CCDC83: variants seen among roughly 807,000 people sequenced by gnomAD.
The protein encoded by CCDC83 is coiled-coil domain-containing protein 83.
A neutral mutation model predicts 50.1 loss-of-function variants in CCDC83; 54 were observed. The ratio of observed to expected loss-of-function variants is 1.08; its 90% CI spans 0.87 to 1.35. CCDC83 has a LOEUF of 1.35. Ranked by LOEUF, CCDC83 falls within the 40% of genes most tolerant of loss-of-function variation. The pLI, the probability that CCDC83 is intolerant of heterozygous loss-of-function variation, is 0.00. For synonymous variants in CCDC83, 161 were observed against 153.3 expected (o/e 1.05, Z -0.37); for missense variants, 518 against 473.9 (o/e 1.09, Z -0.86).
chr11:85,861,492 T>G (rs2093175930), intron 1 of CCDC83, among the ~76,000 whole-genome samples: 3 of 152,358 alleles, frequency 2.0e-5, no homozygotes, highest in East Asian at 1.9e-4. Flanking sequence ...CATGCCTTGA[T>G]GGAATCTTAT....
At chr11:85,871,091 TG>T (rs2093234610) in intron 2 of CCDC83, among the ~76,000 whole-genome samples, 1 of 152,094 alleles carries the variant, frequency 6.6e-6, no homozygotes, top group Non-Finnish European at 1.5e-5. Context: ...CGCTTGAACC[TG>T]GGAGGGGGAG....
chr11:85,892,022 G>T (rs902115265), intron 5 of CCDC83, among the ~76,000 whole-genome samples: 6 of 152,162 alleles, frequency 3.9e-5, no homozygotes, highest in African/African-American at 1.4e-4. Flanking sequence ...CTGCAAAAGG[G>T]ACTAAGAAGA....
At chr11:85,878,615 A>G (rs1450354916) in intron 3 of CCDC83, among the ~76,000 whole-genome samples, 1 of 152,228 alleles carries the variant, frequency 6.6e-6, no homozygotes, top group Non-Finnish European at 1.5e-5. Context: ...GTTATTGGAC[A>G]TTTTACATAA....
intron 2 of CCDC83, among the ~76,000 whole-genome samples, chr11:85,868,076 A>G (rs922477594): frequency 1.4e-4 from 21 of 152,342 alleles, no homozygotes; most frequent in Non-Finnish European, 2.8e-4. Flanking sequence ...CAGTGAGCAC[A>G]TAGTAGATAG....
At chr11:85,885,461 G>C (rs972138610) in intron 4 of CCDC83, among the ~76,000 whole-genome samples, 33 of 152,168 alleles carry the variant, frequency 2.2e-4, no homozygotes, top group Admixed American at 1.3e-4. Flanking sequence ...GAGATAAACA[G>C]CCATTAAGTT....
At position 85,902,924 on chromosome 11, in the gene CCDC83, G is replaced by A. The variant is rs1592183215; in HGVS notation, c.672+3909G>A. ...CCCAGGAATACTGCATTTTTTATGT[G>A]TTTGATTGAAAAAAATCTGCATGTT... On this transcript the variant is annotated intron_variant, in intron 7 of 10. Coordinates refer to ENST00000342404, the MANE Select transcript of CCDC83 (RefSeq NM_001286159.2). Among the ~76,000 whole-genome samples, 4 of 151,936 alleles carry A rather than the reference G, an allele frequency of 2.6e-5. No individual in the cohort carries two copies. The South Asian group carries it at 8.3e-4, about 32-fold the overall frequency.
intron 2 of CCDC83, among the ~76,000 whole-genome samples, chr11:85,869,829 G>C (rs1389764011): frequency 6.6e-6 from 1 of 152,204 alleles, no homozygotes; most frequent in African/African-American, 2.4e-5. Flanking sequence ...AGCTTCATCT[G>C]CTTCCTGGTA....
chr11:85,897,872 T>C (rs1403783651), intron 6 of CCDC83, among the ~76,000 whole-genome samples: 1 of 152,164 alleles, frequency 6.6e-6, no homozygotes, highest in African/African-American at 2.4e-5. Context: ...AAGACTTTAA[T>C]AGGGCTGGGC....
chr11:85,906,725 A>T (rs1042191112), intron 7 of CCDC83, among the ~76,000 whole-genome samples: 15 of 150,898 alleles, frequency 9.9e-5, no homozygotes, highest in South Asian at 6.3e-4. Flanking sequence ...CAAAAAAAAA[A>T]TTTTTTTAAA....
chr11:85,894,181 T>G (rs2093362285), intron 5 of CCDC83, among the ~76,000 whole-genome samples: 1 of 152,144 alleles, frequency 6.6e-6, no homozygotes, highest in South Asian at 2.1e-4. Flanking sequence ...GCAGAAAATG[T>G]TGGGGACCGC....
At chr11:85,876,122 C>G (rs1427748759) in intron 3 of CCDC83, among the ~76,000 whole-genome samples, 7 of 152,140 alleles carry the variant, frequency 4.6e-5, no homozygotes, top group Admixed American at 3.9e-4. Context: ...ACTTCACTGA[C>G]CATTTCTTCT....
chr11:85,889,168 C>CA lies in CCDC83; in HGVS notation c.511+2802dup, dbSNP rs1265321328. Among the ~76,000 whole-genome samples, 7 of 152,298 alleles carry CA rather than the reference C, an allele frequency of 4.6e-5. No homozygotes were observed. In the South Asian group the frequency reaches 8.3e-4, roughly 18 times the overall value. On this transcript the variant is annotated intron_variant, in intron 5 of 10. Coordinates refer to ENST00000342404, the MANE Select transcript of CCDC83 (RefSeq NM_001286159.2). ...AGGGGTTCGAGACAAGCCTGAGCAA[C>CA]AGGGTGAAACCCCATCTCTACCAAA...
chr11:85,906,012 C>T (rs1381354703), intron 7 of CCDC83, among the ~76,000 whole-genome samples: 1 of 147,448 alleles, frequency 6.8e-6, no homozygotes, highest in Non-Finnish European at 1.5e-5. Context: ...GAGAAACTTA[C>T]TTCTTATACA....
chr11:85,898,346 AT>A (rs1314982485), intron 6 of CCDC83, among the ~76,000 whole-genome samples: 1 of 152,192 alleles, frequency 6.6e-6, no homozygotes, highest in African/African-American at 2.4e-5. Flanking sequence ...ACAGTTGGTT[AT>A]TCACTATAAA....
chr11:85,908,353 T>C (rs2093434417), intron 7 of CCDC83, among the ~76,000 whole-genome samples: 1 of 151,998 alleles, frequency 6.6e-6, no homozygotes, highest in Non-Finnish European at 1.5e-5. Flanking sequence ...CTCACACCTA[T>C]AATCCCAGGT....
intron 1 of CCDC83, among the ~76,000 whole-genome samples, chr11:85,856,640 A>G (rs1391568526): frequency 6.6e-6 from 1 of 152,234 alleles, no homozygotes; most frequent in African/African-American, 2.4e-5. Flanking sequence ...TTGGTGAAGA[A>G]AATACATGCT....
Position 85,919,346 on chromosome 11 carries a change from T to C in CCDC83, c.1081-3T>C, listed in dbSNP as rs11234475. Reference sequence around the variant, plus strand: ...TATTCTTTTTTGTGCCTGTTCACCATAGGATTATGTAAACTTGGGCCCCCT... The same window carrying C: ...TATTCTTTTTTGTGCCTGTTCACCACAGGATTATGTAAACTTGGGCCCCCT... On this transcript the variant is annotated splice_region_variant and splice_polypyrimidine_tract_variant and intron_variant, in intron 10 of 10. Transcript: ENST00000342404. The C allele has an allele frequency of 0.015, 23,404 of 1,594,766 alleles. 1,453 individuals are homozygous for C. The African/African-American group carries it at 0.19, about 13-fold the overall frequency.
At chr11:85,905,514 G>T (rs1174929369) in intron 7 of CCDC83, among the ~76,000 whole-genome samples, 1 of 151,708 alleles carries the variant, frequency 6.6e-6, no homozygotes, top group African/African-American at 2.4e-5. Context: ...GGAGGCTGAG[G>T]TAGGAGAATT....
At chr11:85,867,356 C>A (rs1388440921) in intron 2 of CCDC83, among the ~76,000 whole-genome samples, 2 of 150,618 alleles carry the variant, frequency 1.3e-5, no homozygotes, top group Non-Finnish European at 1.5e-5. Context: ...ATTTTAAAAT[C>A]TAAAAGAAGG....
Sources: gnomAD v4.1 joint callset for allele counts (sites outside exome capture counted in the v4.1 genomes callset) on GRCh38, gnomAD v4.1.1 for gene constraint, MANE v1.5 for transcripts, NCBI Gene and HGNC (gene_info 2026-07-23, HGNC 2026-07-21) for gene names.